The following AMOTL2 variants were observed in gnomAD, a reference collection of about 807,000 sequenced individuals.
AMOTL2 encodes the protein angiomotin-like protein 2.
AMOTL2 carries 33 observed loss-of-function variants against 78.4 expected under a neutral mutation model. The observed-to-expected ratio is 0.42, with a 90% CI of 0.32 to 0.56. The LOEUF is 0.56. AMOTL2 is among the 20% of genes least tolerant of loss of function. The pLI is 0.12. For missense variants in AMOTL2, 983 were observed against 1,030.1 expected (o/e 0.95, Z 0.63); for synonymous variants, 422 against 428.8 (o/e 0.98, Z 0.20).
chr3:134,370,520 T>A (rs2017799766), intron 2 of AMOTL2, among the ~76,000 whole-genome samples, 180 bp downstream of exon 2: 1 of 152,154 alleles, frequency 6.6e-6, no homozygotes, highest in Non-Finnish European at 1.5e-5. Flanking sequence ...ACCACTAACT[T>A]CTTAGGGGAC....
intron 5 of AMOTL2, 144 bp downstream of exon 5, chr3:134,365,673 T>C: frequency 1.5e-6 from 1 of 670,304 alleles, no homozygotes; most frequent in Non-Finnish European, 2.6e-6. Context: ...AGATCCAGTC[T>C]AGTGTTGGGC....
rs751848870 is a variant in AMOTL2, at chr3:134,371,059, C to A, written c.375G>T (p.Arg125=). The A allele has an allele frequency of 6.2e-7, 1 of 1,609,986 alleles. No homozygotes were observed. The highest frequency in any genetic ancestry group is 1.1e-5 in the South Asian group (1 of 90,186). The part of the protein sequence containing the change: ...QYYAAQQAGT[R]PHAGDRDPRG... ...GGGGATCTCGGTCCCCCGCATGTGGCCGGGTCCCTGCCTGCTGGGCCGCAT... is the reference window on the plus strand; with the variant it reads ...GGGGATCTCGGTCCCCCGCATGTGGACGGGTCCCTGCCTGCTGGGCCGCAT... Residue 125 remains arginine (R), a synonymous_variant, in exon 2 of 10, where the codon CGG becomes CGT. Transcript: ENST00000249883.
chr3:134,362,848 T>C (rs1301896010), intron 5 of AMOTL2, among the ~76,000 whole-genome samples: 2 of 152,168 alleles, frequency 1.3e-5, no homozygotes, highest in East Asian at 3.9e-4. Context: ...GCTGCCTACC[T>C]TGCTGGAGAG....
In AMOTL2 at chr3:134,357,596, G is replaced by T; in HGVS notation, c.*109C>A. On this transcript the variant is annotated 3_prime_UTR_variant, in exon 10 of 10. Coordinates refer to ENST00000249883, the MANE Select transcript of AMOTL2 (RefSeq NM_016201.4). ...GATGGTCAATGGGAATGAGTGTCTG[G>T]CTGGGGAAAGGGACGGAGCAGCGGT... is the stretch of plus-strand genomic sequence containing the variant. The T allele has an allele frequency of 1.7e-6, 2 of 1,148,894 alleles. No individual in the cohort carries two copies. The highest frequency in any genetic ancestry group is 2.6e-6 in the Non-Finnish European group (2 of 760,298). 71.2% of individuals were successfully genotyped at this position (1,148,894 alleles called of 1,614,324 possible). A position where few individuals can be genotyped will look rare whatever the true frequency, so the allele number is the denominator to read the frequency against.
rs762578485 is a variant in AMOTL2, at chr3:134,370,814, C to T, written c.620G>A (p.Arg207Gln). The T allele has an allele frequency of 4.1e-5, 65 of 1,571,214 alleles. No individual in the cohort carries two copies. Among genetic ancestry groups the T allele is most frequent in the Non-Finnish European group, 5.2e-5 (60 of 1,158,006 alleles). ...ATGAGGGTACTGAGGTGGGGGTCCT[C>T]GGGACTCTGGGCCCTCAGCAGGGGG... ...RGPPAEGPES[R>Q]GPPPQYPHVV... Residue 207 changes from arginine (R) to glutamine (Q), a missense_variant, in exon 2 of 10, where the codon CGA becomes CAA. Coordinates refer to ENST00000249883, the MANE Select transcript of AMOTL2 (RefSeq NM_016201.4).
chr3:134,364,774 C>T (rs1350588429), intron 5 of AMOTL2, among the ~76,000 whole-genome samples: 1 of 152,090 alleles, frequency 6.6e-6, no homozygotes, highest in African/African-American at 2.4e-5. Flanking sequence ...ACCCTTTGTG[C>T]CATTCACAGT....
intron 1 of AMOTL2, chr3:134,373,589 G>C (rs1052048680): frequency 1.2e-5 from 12 of 985,338 alleles, no homozygotes; most frequent in Non-Finnish European, 1.4e-5. Flanking sequence ...GCCTTGGCCT[G>C]GGCTCCTGCT....
chr3:134,372,618 G>A (rs2017919360), intron 1 of AMOTL2, among the ~76,000 whole-genome samples: 1 of 151,750 alleles, frequency 6.6e-6, no homozygotes, highest in African/African-American at 2.4e-5. Context: ...TAAGGGATGG[G>A]CACTCAGCAT....
chr3:134,370,745 C>A lies in AMOTL2; in HGVS notation c.689G>T (p.Arg230Leu). ...HETTTAVTDP[R>L]YRARGSPHFQ... ...GTGCGGGCTGCCGCGGGCACGGTAC[C>A]GTGGGTCAGTGACAGCAGTGGTGGT... Residue 230 changes from arginine (R) to leucine (L), a missense_variant, in exon 2 of 10, where the codon CGG (arginine) becomes CTG (leucine). Arg to Leu is a moderately radical substitution (Grantham distance 102). Transcript: ENST00000249883. 6.6e-7 allele frequency: 1 copy of A among 1,515,086 alleles called. No homozygotes were observed. The highest frequency in any genetic ancestry group is 8.8e-7 in the Non-Finnish European group (1 of 1,131,746). The allele number at this position is 1,515,086 out of a possible 1,614,324, so 93.9% of individuals were successfully genotyped here. A position where few individuals can be genotyped will look rare whatever the true frequency, so the allele number is the denominator to read the frequency against.
upstream of AMOTL2, chr3:134,374,528 G>C (rs2018015539): frequency 5.1e-6 from 5 of 985,404 alleles, no homozygotes; most frequent in South Asian, 2.3e-4. Flanking sequence ...GAGAGTTTCA[G>C]GTTCCCCCTC....
chr3:134,360,199 G>A lies in AMOTL2; in HGVS notation c.1790C>T (p.Thr597Ile). 4 of 1,614,130 alleles carry A rather than the reference G, an allele frequency of 2.5e-6. No homozygotes were observed. The highest frequency in any genetic ancestry group is 3.4e-6 in the Non-Finnish European group (4 of 1,179,990). ...AATAAAQRDT[T>I]LIRHSPQPSP... ...GGGCTGGGGGGAATGTCGGATGAGA[G>A]TGGTGTCACGCTGAGCAGCAGCCGT... Residue 597 changes from threonine (T) to isoleucine (I), a missense_variant, in exon 7 of 10, where the codon ACT (threonine) becomes ATT (isoleucine). Transcript: ENST00000249883.
intron 5 of AMOTL2, among the ~76,000 whole-genome samples, chr3:134,364,426 A>G (rs183569397): frequency 1.3e-5 from 2 of 152,110 alleles, no homozygotes; most frequent in African/African-American, 4.8e-5. Context: ...TCTTTGGCAG[A>G]GTCAGGCTCC....
chr3:134,362,379 G>A (rs2017411413), intron 5 of AMOTL2, among the ~76,000 whole-genome samples: 1 of 152,200 alleles, frequency 6.6e-6, no homozygotes, highest in Non-Finnish European at 1.5e-5. Flanking sequence ...GAGAAACATA[G>A]GAGGTGAATG....
rs1255485342 is a variant in AMOTL2 at position 134,367,597 on chromosome 3, A to G, written c.941T>C (p.Met314Thr). 6.2e-7 allele frequency: 1 copy of G among 1,613,542 alleles called. No individual in the cohort carries two copies. ...GGCATTCTCCCTCAGCACGGCCTCC[A>G]TCTGGGCCAGGTGGGCACTGCCCGA... ...ATSGSAHLAQ[M>T]EAVLRENARL... The change falls in exon 3 of 10, where the codon ATG becomes ACG. Residue 314 changes from methionine to threonine, a missense_variant. Physicochemically the swap from Met to Thr is moderately conservative, Grantham distance 81. Coordinates refer to ENST00000249883, the MANE Select transcript of AMOTL2 (RefSeq NM_016201.4).
In AMOTL2 at chr3:134,358,712, T is replaced by G; in HGVS notation, c.2112A>C (p.Arg704Ser). Residue 704 changes from arginine to serine, a missense_variant, in exon 9 of 10, where the codon AGA (arginine) becomes AGC (serine). Coordinates refer to ENST00000249883, the MANE Select transcript of AMOTL2 (RefSeq NM_016201.4). ...TGACCACTGGCTCCTCTGTGGGTGC[T>G]CTGTCTGCTGGAAAGGTAGGTGGAT... is the stretch of plus-strand genomic sequence containing the variant. Reference protein sequence around the residue: ...DAPARLTTADRAPTEEPVVTA... With the variant: ...DAPARLTTADSAPTEEPVVTA... 2 of 1,614,060 alleles carry G rather than the reference T, an allele frequency of 1.2e-6. No homozygotes were observed. The highest frequency in any genetic ancestry group is 1.7e-6 in the Non-Finnish European group (2 of 1,180,010).
Position 134,360,311 on chromosome 3 carries a change from G to A in AMOTL2, c.1678C>T (p.Leu560=). Residue 560 remains leucine, a synonymous_variant, in exon 7 of 10, where the codon CTG becomes TTG. Coordinates refer to ENST00000249883, the MANE Select transcript of AMOTL2 (RefSeq NM_016201.4). ...EQLREKEEQI[L]ALEADMTKWE... is the part of the protein sequence containing the mutation. ...TTGGTCATGTCGGCCTCCAGCGCCAGGATCTGCTCCTCCTTCTCTCGCAGT... is the reference window on the plus strand; with the variant it reads ...TTGGTCATGTCGGCCTCCAGCGCCAAGATCTGCTCCTCCTTCTCTCGCAGT... 1 of 1,614,260 alleles carries A rather than the reference G, an allele frequency of 6.2e-7. No homozygotes were observed. Among genetic ancestry groups the A allele is most frequent in the Non-Finnish European group, 8.5e-7 (1 of 1,180,054 alleles).
At chr3:134,375,179 C>G, upstream of AMOTL2, 1 of 1,534,880 alleles carries the variant, frequency 6.5e-7, no homozygotes, top group Non-Finnish European at 8.7e-7. Flanking sequence ...GTCAATTTGA[C>G]CCACCTACCC....
chr3:134,358,448 G>C, intron 9 of AMOTL2, 92 bp downstream of exon 9: 1 of 1,449,488 alleles, frequency 6.9e-7, no homozygotes, highest in Non-Finnish European at 9.2e-7. Flanking sequence ...TGACCCGGAG[G>C]GGGTCTGGGA....
chr3:134,368,657 C>T (rs1368846789), intron 2 of AMOTL2, among the ~76,000 whole-genome samples: 1 of 152,160 alleles, frequency 6.6e-6, no homozygotes, highest in Non-Finnish European at 1.5e-5. Context: ...GCAGGTGCTC[C>T]TATAATGGTG....
Sources: gnomAD v4.1 joint callset for allele counts (sites outside exome capture counted in the v4.1 genomes callset) on GRCh38, gnomAD v4.1.1 for gene constraint, MANE v1.5 for transcripts, NCBI Gene and HGNC (gene_info 2026-07-23, HGNC 2026-07-21) for gene names.